UBE2E3: variants seen among roughly 807,000 people sequenced by gnomAD.
The protein encoded by UBE2E3 is ubiquitin-conjugating enzyme E2 E3.
In UBE2E3, 5 loss-of-function variants were observed where a neutral mutation model predicts 23.6. The observed-to-expected ratio is 0.21, with a 90% CI of 0.11 to 0.44. The LOEUF (loss-of-function observed/expected upper bound fraction) is 0.44. UBE2E3 is among the 20% of genes least tolerant of loss of function. The pLI, the probability that UBE2E3 is intolerant of heterozygous loss-of-function variation, is 0.99. For synonymous variants in UBE2E3, 78 were observed against 87.5 expected (o/e 0.89, Z 0.60); for missense variants, 81 against 249.8 (o/e 0.32, Z 4.55).
chr2:181,019,809 A>G (rs988446899), intron 3 of UBE2E3, among the ~76,000 whole-genome samples: 5 of 152,196 alleles, frequency 3.3e-5, no homozygotes, highest in African/African-American at 1.2e-4. Flanking sequence ...TTCACCTTAC[A>G]TACTTACCAT....
At chr2:181,032,080 A>G (rs901849928) in intron 3 of UBE2E3, among the ~76,000 whole-genome samples, 1 of 152,182 alleles carries the variant, frequency 6.6e-6, no homozygotes, top group African/African-American at 2.4e-5. Flanking sequence ...GTGGATAATC[A>G]CTTTGCTGAG....
Position 181,040,235 on chromosome 2 carries a change from C to A in UBE2E3, c.246-17458C>A, listed in dbSNP as rs185195060. Reference sequence around the variant, plus strand: ...TATATTCATAGAGCTTTCTGATATACCCAGTTAAGCAATTTTGATACATCC... The same window carrying A: ...TATATTCATAGAGCTTTCTGATATAACCAGTTAAGCAATTTTGATACATCC... On this transcript the variant is annotated intron_variant, in intron 3 of 5. Transcript: ENST00000410062. Among the ~76,000 whole-genome samples the A allele has an allele frequency of 2.3e-3, 356 of 152,266 alleles. 1 individual carries two copies. Among genetic ancestry groups the A allele is most frequent in the African/African-American group, 8.3e-3 (343 of 41,554 alleles).
At chr2:180,993,294 T>C (rs1337514622) in intron 3 of UBE2E3, among the ~76,000 whole-genome samples, 2 of 152,244 alleles carry the variant, frequency 1.3e-5, no homozygotes, top group Non-Finnish European at 2.9e-5. Context: ...TTTATGGTTA[T>C]TCACAACAAA....
rs775982774 is a variant in UBE2E3, at chr2:181,062,809, G to A, written c.545G>A (p.Ser182Asn). ...TTTCCAGCGGATCCTCTGGTTGGAA[G>A]CATAGCCACTCAGTATTTGACCAAC... Reference protein sequence around the residue: ...DCNPADPLVGSIATQYLTNRA... With the variant: ...DCNPADPLVGNIATQYLTNRA... The change falls in exon 6 of 6, where the codon AGC (serine) becomes AAC (asparagine). Residue 182 changes from serine (S) to asparagine (N), a missense_variant. Ser to Asn is a conservative substitution (Grantham distance 46). Coordinates refer to ENST00000410062, the MANE Select transcript of UBE2E3 (RefSeq NM_006357.4). 9 of 1,604,360 alleles carry A rather than the reference G, an allele frequency of 5.6e-6. No homozygotes were observed. In the Admixed American group the frequency reaches 1.3e-4, roughly 24 times the overall value.
intron 3 of UBE2E3, among the ~76,000 whole-genome samples, chr2:181,010,811 CTT>C (rs574359411): frequency 1.0e-4 from 15 of 143,038 alleles, no homozygotes; most frequent in Middle Eastern, 3.6e-3. Context: ...ATATCCTCCT[CTT>C]TTTTTTTTTT....
intron 3 of UBE2E3, among the ~76,000 whole-genome samples, chr2:180,990,610 T>C (rs557673480): frequency 1.3e-5 from 2 of 152,352 alleles, no homozygotes; most frequent in African/African-American, 4.8e-5. Context: ...TGCTAAATTA[T>C]GGTCTTCTGA....
intron 3 of UBE2E3, among the ~76,000 whole-genome samples, chr2:181,033,339 C>T (rs541239964): frequency 6.6e-6 from 1 of 152,220 alleles, no homozygotes; most frequent in African/African-American, 2.4e-5. Flanking sequence ...GAGATATAGA[C>T]CAATGGAACA....
chr2:180,987,065 T>C (rs1212518124), intron 3 of UBE2E3, among the ~76,000 whole-genome samples: 1 of 152,162 alleles, frequency 6.6e-6, no homozygotes, highest in Admixed American at 6.5e-5. Flanking sequence ...AGTGTAAAAG[T>C]TTGATAATGA....
intron 3 of UBE2E3, among the ~76,000 whole-genome samples, chr2:181,031,552 GT>G (rs1316961569): frequency 6.6e-6 from 1 of 151,936 alleles, no homozygotes; most frequent in Non-Finnish European, 1.5e-5. Flanking sequence ...AGTTTGGTTT[GT>G]TTGTATTCAT....
rs375473485 is a variant in UBE2E3 at position 181,023,223 on chromosome 2, G to A, written c.246-34470G>A. 1.2e-4 allele frequency among the ~76,000 whole-genome samples: 18 copies of A among 152,308 alleles called. No homozygotes were observed. The East Asian group carries it at 2.9e-3, about 25-fold the overall frequency. ...ATTTTTAGGAGTAGGTGAATTCACA[G>A]ACACAAAATCCCCAAATAATGAGAA... On this transcript the variant is annotated intron_variant, in intron 3 of 5. Coordinates refer to ENST00000410062, the MANE Select transcript of UBE2E3 (RefSeq NM_006357.4).
chr2:181,048,825 T>C (rs1218938271), intron 3 of UBE2E3, among the ~76,000 whole-genome samples: 2 of 152,138 alleles, frequency 1.3e-5, no homozygotes, highest in Non-Finnish European at 2.9e-5. Flanking sequence ...TAGAAAAATA[T>C]TACAGAAGCT....
chr2:181,052,240 G>A lies in UBE2E3; in HGVS notation c.246-5453G>A, dbSNP rs557362153. ...CCCATTTAGTTAGGATGTTGGTGAT[G>A]TCAAGAATTAATTAAAATACTTTGC... On this transcript the variant is annotated intron_variant, in intron 3 of 5. Coordinates refer to ENST00000410062, the MANE Select transcript of UBE2E3 (RefSeq NM_006357.4). 1.3e-3 allele frequency among the ~76,000 whole-genome samples: 199 copies of A among 151,964 alleles called. 1 individual carries two copies. Among genetic ancestry groups the A allele is most frequent in the African/African-American group, 4.4e-3 (181 of 41,502 alleles).
chr2:181,026,165 T>C (rs1043053216), intron 3 of UBE2E3, among the ~76,000 whole-genome samples: 1 of 151,878 alleles, frequency 6.6e-6, no homozygotes, highest in Non-Finnish European at 1.5e-5. Context: ...AAAAACACAC[T>C]GAAACCCTTT....
chr2:181,047,272 GGTGT>G (rs1354247057), intron 3 of UBE2E3, among the ~76,000 whole-genome samples: 1 of 152,034 alleles, frequency 6.6e-6, no homozygotes, highest in Non-Finnish European at 1.5e-5. Flanking sequence ...TTGGGACTTA[GGTGT>G]GGTGGTCTCA....
Position 181,042,885 on chromosome 2 carries a change from G to A in UBE2E3, c.246-14808G>A, listed in dbSNP as rs76520381. 8.5e-3 allele frequency among the ~76,000 whole-genome samples: 1,296 copies of A among 152,260 alleles called. 21 individuals are homozygous for A. The highest frequency in any genetic ancestry group is 0.029 in the African/African-American group (1,225 of 41,544). ...AGAAAAATTGAGTAATTTGCACAAC[G>A]TCACACATCTGGTAAATGCAACCAG... On this transcript the variant is annotated intron_variant, in intron 3 of 5. Transcript: ENST00000410062.
At chr2:180,989,778 T>C in intron 3 of UBE2E3, 1 of 1,245,640 alleles carries the variant, frequency 8.0e-7, no homozygotes, top group Non-Finnish European at 1.1e-6. Flanking sequence ...ACTTCGCAGC[T>C]ACATGCTCAC....
intron 3 of UBE2E3, among the ~76,000 whole-genome samples, chr2:181,014,349 G>A (rs540053949): frequency 6.6e-6 from 1 of 152,304 alleles, no homozygotes; most frequent in Non-Finnish European, 1.5e-5. Context: ...CAGAGAAGCA[G>A]CCTGGGTTGG....
chr2:181,001,205 AGTGTTTTAGAAACATGAGTTACTACATTT>A (rs1684979130), intron 3 of UBE2E3, among the ~76,000 whole-genome samples: 1 of 152,206 alleles, frequency 6.6e-6, no homozygotes, highest in Non-Finnish European at 1.5e-5. Context: ...TTAAAGCTCT[AGTGTTTTAGAAACATGAGTTACTACATTT>A]AATGTAAATT....
At chr2:181,057,494 C>G (rs1482507594) in intron 3 of UBE2E3, among the ~76,000 whole-genome samples, 199 bp from the exon 4 acceptor site, 1 of 151,732 alleles carries the variant, frequency 6.6e-6, no homozygotes, top group African/African-American at 2.4e-5. Flanking sequence ...TCTTGCATTT[C>G]CTCTGTAAGT....
Sources: gnomAD v4.1 joint callset for allele counts (sites outside exome capture counted in the v4.1 genomes callset) on GRCh38, gnomAD v4.1.1 for gene constraint, MANE v1.5 for transcripts, NCBI Gene and HGNC (gene_info 2026-07-23, HGNC 2026-07-21) for gene names.